The following JAKMIP2 variants were observed in gnomAD, a reference collection of about 807,000 sequenced individuals.
JAKMIP2 encodes janus kinase and microtubule interacting protein 2.
In JAKMIP2, 25 loss-of-function variants were observed where a neutral mutation model predicts 115.0. The observed-to-expected ratio is 0.22, with a 90% CI of 0.16 to 0.30. JAKMIP2 has a LOEUF of 0.30. JAKMIP2 is among the 10% of genes least tolerant of loss of function. The pLI, the probability that JAKMIP2 is intolerant of heterozygous loss-of-function variation, is 1.00. For synonymous variants in JAKMIP2, 334 were observed against 343.6 expected (o/e 0.97, Z 0.31); for missense variants, 642 against 957.6 (o/e 0.67, Z 4.35).
chr5:147,620,587 G>A (rs1275161001), intron 18 of JAKMIP2, 79 bp downstream of exon 18: 1 of 978,298 alleles, frequency 1.0e-6, no homozygotes, highest in Admixed American at 2.0e-5. Context: ...TACATAGCAT[G>A]GAAAATTAAA....
chr5:147,638,013 T>C (rs896392117), intron 10 of JAKMIP2, among the ~76,000 whole-genome samples: 1 of 152,214 alleles, frequency 6.6e-6, no homozygotes, highest in Non-Finnish European at 1.5e-5. Context: ...ATTCTTTTGA[T>C]TGTTAAATAT....
intron 19 of JAKMIP2, among the ~76,000 whole-genome samples, chr5:147,615,123 T>C (rs1321517881): frequency 6.6e-6 from 1 of 152,234 alleles, no homozygotes; most frequent in Non-Finnish European, 1.5e-5. Context: ...ATGAGAGTAG[T>C]GATCTGTATG....
At chr5:147,672,905 T>C (rs183031040) in intron 1 of JAKMIP2, among the ~76,000 whole-genome samples, 1 of 152,296 alleles carries the variant, frequency 6.6e-6, no homozygotes, top group Non-Finnish European at 1.5e-5. Context: ...GGCACTAATA[T>C]TGGAAAGGTT....
intron 1 of JAKMIP2, among the ~76,000 whole-genome samples, chr5:147,736,197 T>C (rs1753915741): frequency 6.6e-6 from 1 of 152,134 alleles, no homozygotes; most frequent in Admixed American, 6.5e-5. Context: ...GGCTCACACC[T>C]GTAATCCCAG....
intron 1 of JAKMIP2, among the ~76,000 whole-genome samples, chr5:147,743,862 T>C (rs1580866396): frequency 6.6e-6 from 1 of 152,132 alleles, no homozygotes; most frequent in African/African-American, 2.4e-5. Flanking sequence ...TGCTCCTCTG[T>C]GGAGGCTGGC....
chr5:147,601,139 T>C (rs1024653209), intron 21 of JAKMIP2, among the ~76,000 whole-genome samples: 10 of 152,170 alleles, frequency 6.6e-5, no homozygotes, highest in African/African-American at 2.4e-4. Context: ...CCACAGACAT[T>C]GTGACTTCCC....
intron 1 of JAKMIP2, among the ~76,000 whole-genome samples, chr5:147,708,476 G>A (rs1752661967): frequency 6.6e-6 from 1 of 152,204 alleles, no homozygotes; most frequent in Non-Finnish European, 1.5e-5. Context: ...TAGTCACGTA[G>A]AAGGAGAAAC....
intron 1 of JAKMIP2, among the ~76,000 whole-genome samples, chr5:147,764,091 G>A (rs1755025669): frequency 6.6e-6 from 1 of 152,056 alleles, no homozygotes; most frequent in African/African-American, 2.4e-5. Context: ...GATATATGAA[G>A]GTATTAATAC....
chr5:147,690,325 C>G (rs890941253), intron 1 of JAKMIP2, among the ~76,000 whole-genome samples: 1 of 151,448 alleles, frequency 6.6e-6, no homozygotes, highest in Non-Finnish European at 1.5e-5. Context: ...AGATTGAGAC[C>G]CTGTCCCTAA....
intron 21 of JAKMIP2, among the ~76,000 whole-genome samples, chr5:147,600,475 C>T (rs1755639211): frequency 6.6e-6 from 1 of 152,128 alleles, no homozygotes; most frequent in Admixed American, 6.6e-5. Flanking sequence ...TGTTTTCCAA[C>T]TTGCTGTAGA....
At chr5:147,774,087 A>G (rs999032980) in intron 1 of JAKMIP2, among the ~76,000 whole-genome samples, 3 of 152,196 alleles carry the variant, frequency 2.0e-5, no homozygotes, top group Admixed American at 6.6e-5. Flanking sequence ...TTTCCATAAT[A>G]TAGCTAAAAA....
At chr5:147,654,909 T>G (rs1240933530) in intron 3 of JAKMIP2, among the ~76,000 whole-genome samples, 2 of 152,210 alleles carry the variant, frequency 1.3e-5, no homozygotes, top group African/African-American at 4.8e-5. Context: ...ATTTTTAACC[T>G]GAAGGGATGT....
At chr5:147,703,073 G>A (rs68043636) in intron 1 of JAKMIP2, among the ~76,000 whole-genome samples, 31,879 of 151,916 alleles carry the variant, frequency 0.21, 4,042 homozygotes, top group African/African-American at 0.35. Flanking sequence ...TAAAATCCAG[G>A]TCTCCTATAC....
Position 147,644,793 on chromosome 5 carries a change from G to T in JAKMIP2, c.1083+57C>A, listed in dbSNP as rs1280703029. 13 of 1,441,628 alleles carry T rather than the reference G, an allele frequency of 9.0e-6. No individual in the cohort carries two copies. The African/African-American group carries it at 1.0e-4, about 11-fold the overall frequency. The allele number at this position is 1,441,628 out of a possible 1,614,324, so 89.3% of individuals were successfully genotyped here. On this transcript the variant is annotated intron_variant, in intron 6 of 21. Transcript: ENST00000616793. The stretch of plus-strand genomic sequence containing the variant: ...AAGCTGAGAAATGGCAATAAGTCAG[G>T]TTATTAAGGTAATATAATCAAGGAA...
At chr5:147,652,595 G>C (rs1758459710) in intron 3 of JAKMIP2, among the ~76,000 whole-genome samples, 1 of 152,118 alleles carries the variant, frequency 6.6e-6, no homozygotes, top group African/African-American at 2.4e-5. Context: ...AAAAAATGAA[G>C]ATGAGTATAT....
chr5:147,660,606 T>C (rs919837381), intron 3 of JAKMIP2: 1 of 363,410 alleles, frequency 2.8e-6, no homozygotes, highest in Non-Finnish European at 5.4e-6. Flanking sequence ...GAATCCATGA[T>C]TTAGAATATT....
intron 1 of JAKMIP2, among the ~76,000 whole-genome samples, chr5:147,747,299 A>G (rs1046644443): frequency 2.0e-5 from 3 of 152,264 alleles, no homozygotes; most frequent in South Asian, 2.1e-4. Flanking sequence ...ATCATCACAC[A>G]TATAAACATC....
chr5:147,780,105 C>A (rs922861856), intron 1 of JAKMIP2, among the ~76,000 whole-genome samples: 9 of 152,094 alleles, frequency 5.9e-5, no homozygotes, highest in Non-Finnish European at 1.0e-4. Context: ...ATGAAATGAT[C>A]CTAGCTTTTA....
At position 147,611,770 on chromosome 5, in the gene JAKMIP2, A is replaced by T. The variant is rs1173160128; in HGVS notation, c.2412+536T>A. 2.0e-5 allele frequency among the ~76,000 whole-genome samples: 3 copies of T among 152,140 alleles called. No homozygotes were observed. In the East Asian group the frequency reaches 5.8e-4, roughly 29 times the overall value. On this transcript the variant is annotated intron_variant, in intron 20 of 21. Coordinates refer to ENST00000616793, the MANE Select transcript of JAKMIP2 (RefSeq NM_001270941.2). ...CGCATTTCCAAGTGCCCTCTGTAAG[A>T]GCCATGTTGTTATATCCCTCAAAAA...
Sources: allele counts gnomAD v4.1 joint callset (sites outside exome capture counted in the v4.1 genomes callset), GRCh38; gene constraint gnomAD v4.1.1; transcripts MANE v1.5; gene names NCBI Gene and HGNC (gene_info 2026-07-23, HGNC 2026-07-21).